RPRD2: variants seen among roughly 807,000 people sequenced by gnomAD.
RPRD2 encodes regulation of nuclear pre-mRNA domain-containing protein 2.
RPRD2 carries 12 observed loss-of-function variants against 104.4 expected under a neutral mutation model. That is an observed-to-expected ratio of 0.11 (90% CI 0.07 to 0.19). RPRD2 has a LOEUF of 0.19. RPRD2 is among the 10% of genes least tolerant of loss of function. The pLI, the probability that RPRD2 is intolerant of heterozygous loss-of-function variation, is 1.00. For missense variants in RPRD2, 1,543 were observed against 1,790.1 expected (o/e 0.86, Z 2.49); for synonymous variants, 714 against 684.9 (o/e 1.04, Z -0.66).
At chr1:150,445,064 G>T (rs947056926) in intron 6 of RPRD2, among the ~76,000 whole-genome samples, 1 of 152,174 alleles carries the variant, frequency 6.6e-6, no homozygotes, top group African/African-American at 2.4e-5. Context: ...GCACACACCT[G>T]TAGTCCTAGC....
At chr1:150,439,437 G>A (rs751555063) in intron 2 of RPRD2, among the ~76,000 whole-genome samples, 2 of 151,918 alleles carry the variant, frequency 1.3e-5, no homozygotes, top group Admixed American at 6.6e-5. Flanking sequence ...CCAAGATCAT[G>A]CCACCATAGT....
chr1:150,466,984 G>T (rs1001756157), intron 10 of RPRD2, among the ~76,000 whole-genome samples: 9 of 152,162 alleles, frequency 5.9e-5, no homozygotes, highest in Non-Finnish European at 2.9e-5. Flanking sequence ...AATGGTAGGG[G>T]TGCTACTGCC....
chr1:150,390,333 A>G (rs1179731726), intron 1 of RPRD2, among the ~76,000 whole-genome samples: 2 of 152,086 alleles, frequency 1.3e-5, no homozygotes, highest in African/African-American at 4.8e-5. Flanking sequence ...CATCTCTACT[A>G]AAAATATTAA....
intron 1 of RPRD2, among the ~76,000 whole-genome samples, chr1:150,373,316 C>A (rs1019694855): frequency 6.6e-6 from 1 of 151,816 alleles, no homozygotes; most frequent in Admixed American, 6.6e-5. Context: ...GCCTGGCACT[C>A]GTTTGTTTTT....
chr1:150,409,533 C>T (rs1421034997), intron 1 of RPRD2, among the ~76,000 whole-genome samples: 4 of 151,248 alleles, frequency 2.6e-5, no homozygotes, highest in Non-Finnish European at 4.4e-5. Context: ...CCTATATTCT[C>T]GTGGGGGAGA....
intron 1 of RPRD2, among the ~76,000 whole-genome samples, chr1:150,384,639 T>TG (rs1661419722): frequency 1.5e-5 from 2 of 133,352 alleles, no homozygotes; most frequent in African/African-American, 2.8e-5. Flanking sequence ...CCTGGCTAAT[T>TG]TGTGTGTGTG....
Position 150,364,799 on chromosome 1 carries a change from C to G in RPRD2, c.85C>G (p.Arg29Gly). 1 of 1,613,700 alleles carries G rather than the reference C, an allele frequency of 6.2e-7. No homozygotes were observed. Among genetic ancestry groups the G allele is most frequent in the South Asian group, 1.1e-5 (1 of 91,012 alleles). The change falls in exon 1 of 11, where the codon CGA (arginine) becomes GGA (glycine). Residue 29 changes from arginine to glycine, a missense_variant. Transcript: ENST00000369068. Reference protein sequence around the residue: ...SAGALESSLDRKFQSVTNTME... With the variant: ...SAGALESSLDGKFQSVTNTME... ...AGGGGCTCTGGAGTCCTCGTTGGAT[C>G]GAAAATTCCAGTCGGTAACCAACAC...
intron 1 of RPRD2, among the ~76,000 whole-genome samples, chr1:150,403,011 A>G (rs587725782): frequency 1.6e-4 from 25 of 152,260 alleles, no homozygotes; most frequent in African/African-American, 6.0e-4. Flanking sequence ...AGAAAAGCAA[A>G]GAAAATGTGG....
chr1:150,439,781 C>T (rs1421904108), intron 2 of RPRD2, among the ~76,000 whole-genome samples: 1 of 152,112 alleles, frequency 6.6e-6, no homozygotes, highest in Non-Finnish European at 1.5e-5. Context: ...CTTTTCTCTA[C>T]GGCTTCATAC....
intron 2 of RPRD2, among the ~76,000 whole-genome samples, chr1:150,422,383 A>T (rs1408677770): frequency 1.1e-5 from 1 of 87,654 alleles, no homozygotes; most frequent in Non-Finnish European, 2.5e-5. Flanking sequence ...AAATTAAAAT[A>T]AAAAAATAAA....
chr1:150,378,164 T>G (rs1660862538), intron 1 of RPRD2, among the ~76,000 whole-genome samples: 2 of 150,550 alleles, frequency 1.3e-5, no homozygotes, highest in Admixed American at 1.3e-4. Context: ...ACACTAATAG[T>G]TTAGTAAGAA....
chr1:150,369,030 T>C (rs1467024064), intron 1 of RPRD2, among the ~76,000 whole-genome samples: 1 of 152,236 alleles, frequency 6.6e-6, no homozygotes, highest in Non-Finnish European at 1.5e-5. Context: ...AAGTTTGTCT[T>C]ATTTGTTGCC....
chr1:150,378,887 G>A (rs1352635009), intron 1 of RPRD2, among the ~76,000 whole-genome samples: 1 of 151,072 alleles, frequency 6.6e-6, no homozygotes, highest in African/African-American at 2.4e-5. Flanking sequence ...GGAGGCTGAG[G>A]CAGGATAATC....
rs1230522069 is a variant in RPRD2, at chr1:150,474,711, T to G, written c.*1377T>G. 6.6e-6 allele frequency: 1 copy of G among 152,152 alleles called. No homozygotes were observed. The highest frequency in any genetic ancestry group is 2.4e-5 in the African/African-American group (1 of 41,428). 9.4% of individuals were successfully genotyped at this position (152,152 alleles called of 1,614,324 possible). On this transcript the variant is annotated 3_prime_UTR_variant, in exon 11 of 11. Transcript: ENST00000369068. Reference sequence around the variant, plus strand: ...TTACTACAATTTTTTTTTAATTTAGTGTCTTACCCCAAGGCATACTCAACT... The same window carrying G: ...TTACTACAATTTTTTTTTAATTTAGGGTCTTACCCCAAGGCATACTCAACT...
chr1:150,460,495 C>G (rs1667857749), intron 9 of RPRD2, among the ~76,000 whole-genome samples, 178 bp downstream of exon 9: 1 of 151,996 alleles, frequency 6.6e-6, no homozygotes, highest in South Asian at 2.1e-4. Context: ...CCTCTGCCTC[C>G]CGGGTTCAAG....
intron 1 of RPRD2, among the ~76,000 whole-genome samples, chr1:150,402,553 G>T (rs894259468): frequency 8.5e-5 from 13 of 152,134 alleles, no homozygotes; most frequent in Admixed American, 7.9e-4. Context: ...GCACATGCCT[G>T]TGGTCCCAGC....
chr1:150,429,811 A>G (rs782581059), intron 2 of RPRD2, among the ~76,000 whole-genome samples: 2 of 152,268 alleles, frequency 1.3e-5, no homozygotes, highest in African/African-American at 2.4e-5. Context: ...TCAACCATCT[A>G]TTCCAAGGAG....
intron 1 of RPRD2, among the ~76,000 whole-genome samples, chr1:150,387,567 CTTTTTTTTTTTTTTTTTTTTTTT>C (rs562476167): frequency 1.5e-3 from 114 of 73,800 alleles, no homozygotes; most frequent in East Asian, 9.7e-3. Flanking sequence ...TGCAACAGAC[CTTTTTTTTTTTTTTTTTTTTTTT>C]TTTTTTTTTT....
At chr1:150,461,130 C>T (rs996568092) in intron 9 of RPRD2, among the ~76,000 whole-genome samples, 22 of 151,778 alleles carry the variant, frequency 1.4e-4, no homozygotes, top group African/African-American at 5.3e-4. Context: ...CGTGGTGGCT[C>T]ATGCCTGTAA....
Sources: gnomAD v4.1 joint callset for allele counts (sites outside exome capture counted in the v4.1 genomes callset) on GRCh38, gnomAD v4.1.1 for gene constraint, MANE v1.5 for transcripts, NCBI Gene and HGNC (gene_info 2026-07-23, HGNC 2026-07-21) for gene names.